The following ZNF888 variants were observed in gnomAD, a reference collection of about 807,000 sequenced individuals.
ZNF888 encodes zinc finger protein 888, also known as CTD-2331H12.6.
Under a neutral mutation model 7.2 loss-of-function variants are expected in ZNF888, and 5 were observed. That is an observed-to-expected ratio of 0.70 (90% CI 0.36 to 1.46). The LOEUF is 1.46. Among genes scored for constraint, ZNF888 ranks in the 40% most tolerant of loss-of-function variants. ZNF888 has a pLI of 0.03. For synonymous variants in ZNF888, 240 were observed against 284.3 expected, an observed-to-expected ratio of 0.84 and a Z score of 1.57; for missense variants, 716 against 858.0, an observed-to-expected ratio of 0.83 and a Z score of 2.07.
intron 4 of ZNF888, among the ~76,000 whole-genome samples, chr19:52,909,533 C>A (rs1220232816): frequency 1.3e-5 from 2 of 152,138 alleles, no homozygotes; most frequent in African/African-American, 2.4e-5. Flanking sequence ...AGGCATGAGC[C>A]ACTGCGCCCG....
At chr19:52,915,492 T>C (rs2147932912) in intron 3 of ZNF888, among the ~76,000 whole-genome samples, 170 bp from the exon 4 acceptor site, 1 of 50,922 alleles carries the variant, frequency 2.0e-5, no homozygotes, top group South Asian at 5.0e-4. Context: ...TTTTTCTGTT[T>C]GAGATGGAGT....
chr19:52,911,536 C>T (rs1178943829), intron 4 of ZNF888, among the ~76,000 whole-genome samples: 1 of 151,878 alleles, frequency 6.6e-6, no homozygotes, highest in Non-Finnish European at 1.5e-5. Context: ...GACGGGGTTT[C>T]ACCATGTCAG....
chr19:52,905,940 A>G lies in ZNF888; in HGVS notation c.*225T>C. On this transcript the variant is annotated 3_prime_UTR_variant, in exon 5 of 5. Transcript: ENST00000638862. ...CTTGTGAGGTTTCTCTCCTGTATGAATTCTCCTGTTTTGCATAGGATGAAG... is the reference window on the plus strand; with the variant it reads ...CTTGTGAGGTTTCTCTCCTGTATGAGTTCTCCTGTTTTGCATAGGATGAAG... 2 of 830,154 alleles carry G rather than the reference A, an allele frequency of 2.4e-6. No individual in the cohort carries two copies. Among genetic ancestry groups the G allele is most frequent in the Admixed American group, 3.7e-5 (2 of 54,290 alleles). 51.4% of individuals were successfully genotyped at this position (830,154 alleles called of 1,614,324 possible).
At chr19:52,912,561 T>TAAAAAA (rs1176685168) in intron 4 of ZNF888, among the ~76,000 whole-genome samples, 2 of 114,866 alleles carry the variant, frequency 1.7e-5, no homozygotes, top group Non-Finnish European at 3.5e-5. Flanking sequence ...CCATCTCTAC[T>TAAAAAA]AAAAAAAAAA....
chr19:52,919,852 C>T (rs1455478483), intron 1 of ZNF888, among the ~76,000 whole-genome samples: 1 of 58,816 alleles, frequency 1.7e-5, no homozygotes, highest in Admixed American at 2.1e-4. Context: ...CCGGCCGCCC[C>T]GTCTGAGAAG....
intron 4 of ZNF888, among the ~76,000 whole-genome samples, chr19:52,911,342 C>CT (rs200448605): frequency 5.7e-4 from 81 of 143,334 alleles, no homozygotes; most frequent in South Asian, 2.9e-3. Context: ...GTTTTCTTTT[C>CT]TTTTTTTTTT....
At position 52,913,681 on chromosome 19, in the gene ZNF888, C is replaced by A. The variant is rs564407766; in HGVS notation, c.142+1515G>T. On this transcript the variant is annotated intron_variant, in intron 4 of 4. Coordinates refer to ENST00000638862, the MANE Select transcript of ZNF888 (RefSeq NM_001393938.1). ...CTATAAGTTTAAGATGTTTAACATA[C>A]CTGCAACAATAACCTCTGCCCATAT... The A allele has an allele frequency of 1.7e-4, 170 of 972,206 alleles. 2 individuals are homozygous for A. In the South Asian group the frequency reaches 7.1e-3, roughly 40 times the overall value. The allele number at this position is 972,206 out of a possible 1,614,324, so 60.2% of individuals were successfully genotyped here. A position where few individuals can be genotyped will look rare whatever the true frequency, so the allele number is the denominator to read the frequency against.
At chr19:52,923,229 T>G in intron 1 of ZNF888, 140 bp downstream of exon 1, 5 of 931,996 alleles carry the variant, frequency 5.4e-6, no homozygotes, top group Non-Finnish European at 6.4e-6. Flanking sequence ...ACTTCCGGAC[T>G]CCTAGGGGAA....
chr19:52,910,675 A>G (rs534194940), intron 4 of ZNF888, among the ~76,000 whole-genome samples: 1 of 152,212 alleles, frequency 6.6e-6, no homozygotes, highest in Admixed American at 6.5e-5. Context: ...TGGCAGGAAG[A>G]TGGCTGGGCT....
At position 52,907,164 on chromosome 19, in the gene ZNF888, A is replaced by G. The variant is rs2064620194; in HGVS notation, c.1158T>C (p.Val386=). Residue 386 remains valine (V), a synonymous_variant, in exon 5 of 5, where the codon GTT becomes GTC. Coordinates refer to ENST00000638862, the MANE Select transcript of ZNF888 (RefSeq NM_001393938.1). ...HTGEKPYKCK[V]CDKAFRHDSH... ...AATCATGTCTGAAAGCCTTGTCACA[A>G]ACCTTACATTTGTATGGTTTCTCAC... is the stretch of plus-strand genomic sequence containing the variant. 6.2e-7 allele frequency: 1 copy of G among 1,611,116 alleles called. No homozygotes were observed. Among genetic ancestry groups the G allele is most frequent in the Non-Finnish European group, 8.5e-7 (1 of 1,179,296 alleles).
intron 3 of ZNF888, among the ~76,000 whole-genome samples, chr19:52,916,627 T>TATATATATATATAC (rs1568747413): frequency 6.4e-4 from 91 of 142,132 alleles, no homozygotes; most frequent in African/African-American, 2.3e-3. Flanking sequence ...TATATATATA[T>TATATATATATATAC]ATATATATAT....
In ZNF888 at chr19:52,921,659, A is replaced by AACAC. The variant is rs1197477128; in HGVS notation, c.-178+1706_-178+1709dup. ...AACATTTACAAAATGCAAAAGTGTA[A>AACAC]ACACACAGCTATTGACCTTGAAAAT... On this transcript the variant is annotated intron_variant, in intron 1 of 4. Transcript: ENST00000638862. 3.0e-6 allele frequency: 3 copies of AACAC among 984,760 alleles called. No homozygotes were observed. The African/African-American group carries it at 5.2e-5, about 17-fold the overall frequency. 61.0% of individuals were successfully genotyped at this position (984,760 alleles called of 1,614,324 possible).
chr19:52,920,572 C>A (rs564025985), intron 1 of ZNF888, among the ~76,000 whole-genome samples: 519 of 49,864 alleles, frequency 0.01, 173 homozygotes, highest in African/African-American at 0.031. Context: ...CACTTACTGT[C>A]TCTCTAAGGG....
At position 52,908,768 on chromosome 19, in the gene ZNF888, G is replaced by C. The variant is rs1295836844; in HGVS notation, c.143-589C>G. ...GGCTGAGGCACAAGAATCACTTTAA[G>C]CCAAGAGGCAAAGGTTGCAGTGAGC... is the stretch of plus-strand genomic sequence containing the variant. On this transcript the variant is annotated intron_variant, in intron 4 of 4. Coordinates refer to ENST00000638862, the MANE Select transcript of ZNF888 (RefSeq NM_001393938.1). Among the ~76,000 whole-genome samples the C allele has an allele frequency of 1.2e-3, 175 of 145,298 alleles. 1 individual carries two copies. Among genetic ancestry groups the C allele is most frequent in the South Asian group, 6.6e-4 (3 of 4,572 alleles).
At chr19:52,917,544 GCAT>G in intron 3 of ZNF888, 4 of 592,212 alleles carry the variant, frequency 6.8e-6, no homozygotes, top group South Asian at 5.0e-5. Context: ...AACTGACAGT[GCAT>G]CCAGATGCGG....
At chr19:52,913,219 G>A (rs1280211518) in intron 4 of ZNF888, among the ~76,000 whole-genome samples, 1 of 150,942 alleles carries the variant, frequency 6.6e-6, no homozygotes, top group Non-Finnish European at 1.5e-5. Context: ...AAAAAACACT[G>A]TAAATATATG....
Position 52,904,834 on chromosome 19 carries a change from G to A in ZNF888, c.*1331C>T, listed in dbSNP as rs1357665400. On this transcript the variant is annotated 3_prime_UTR_variant, in exon 5 of 5. Coordinates refer to ENST00000638862, the MANE Select transcript of ZNF888 (RefSeq NM_001393938.1). ...TAAAACAATATAAAACAATATGAGA[G>A]GGTCTCTCTCTTCCCTCAAAACTAC... The A allele has an allele frequency of 6.6e-6, 1 of 152,086 alleles. No individual in the cohort carries two copies. The highest frequency in any genetic ancestry group is 1.5e-5 in the Non-Finnish European group (1 of 68,020). 9.4% of individuals were successfully genotyped at this position (152,086 alleles called of 1,614,324 possible). A position where few individuals can be genotyped will look rare whatever the true frequency, so the allele number is the denominator to read the frequency against.
Position 52,916,425 on chromosome 19 carries a change from G to A in ZNF888, c.16-1103C>T, listed in dbSNP as rs538733012. Among the ~76,000 whole-genome samples, 466 of 151,496 alleles carry A rather than the reference G, an allele frequency of 3.1e-3. 5 individuals are homozygous for A. Among genetic ancestry groups the A allele is most frequent in the African/African-American group, 0.01 (433 of 41,268 alleles). On this transcript the variant is annotated intron_variant, in intron 3 of 4. Coordinates refer to ENST00000638862, the MANE Select transcript of ZNF888 (RefSeq NM_001393938.1). ...CAAAAAACTAGATGTTAATACAAAGGGTTGTCATTTGTCCCAGATTTTCAA... is the reference window on the plus strand; with the variant it reads ...CAAAAAACTAGATGTTAATACAAAGAGTTGTCATTTGTCCCAGATTTTCAA...
intron 1 of ZNF888, among the ~76,000 whole-genome samples, chr19:52,921,337 A>G (rs932047945): frequency 6.6e-6 from 1 of 152,234 alleles, no homozygotes; most frequent in African/African-American, 2.4e-5. Flanking sequence ...ACAGGAAGCC[A>G]GTGGAGGGTT....
Sources: allele counts gnomAD v4.1 joint callset (sites outside exome capture counted in the v4.1 genomes callset), GRCh38; gene constraint gnomAD v4.1.1; transcripts MANE v1.5; gene names NCBI Gene and HGNC (gene_info 2026-07-23, HGNC 2026-07-21).